The following WDR49 variants were observed in gnomAD, a reference collection of about 807,000 sequenced individuals.
WDR49 encodes cilia- and flagella-associated protein 337.
A neutral mutation model predicts 119.5 loss-of-function variants in WDR49; 107 were observed. The observed-to-expected ratio is 0.90, with a 90% CI of 0.77 to 1.05. The LOEUF (loss-of-function observed/expected upper bound fraction) is 1.05, where lower values mean the gene tolerates loss of function less well. WDR49 is among the 50% of genes least tolerant of loss of function. The pLI is 0.00. For missense variants in WDR49, 1,240 were observed against 1,220.5 expected (o/e 1.02, Z -0.24); for synonymous variants, 425 against 418.8 (o/e 1.01, Z -0.18).
At chr3:167,530,189 A>T (rs1752795911) in intron 13 of WDR49, among the ~76,000 whole-genome samples, 1 of 152,124 alleles carries the variant, frequency 6.6e-6, no homozygotes. Flanking sequence ...ATTCTTAATG[A>T]TTAAAAATTT....
chr3:167,550,414 C>T (rs1712485524), intron 10 of WDR49, among the ~76,000 whole-genome samples: 1 of 151,994 alleles, frequency 6.6e-6, no homozygotes, highest in African/African-American at 2.4e-5. Flanking sequence ...CTTCACATCC[C>T]TTGTAAGTTG....
intron 5 of WDR49, among the ~76,000 whole-genome samples, chr3:167,611,593 C>T (rs949059893): frequency 1.3e-5 from 2 of 151,948 alleles, no homozygotes; most frequent in East Asian, 1.9e-4. Flanking sequence ...CACACTTCAC[C>T]TATAAAGGCA....
Position 167,563,286 on chromosome 3 carries a change from G to A in WDR49, c.1510-3058C>T, listed in dbSNP as rs1324801531. Among the ~76,000 whole-genome samples the A allele has an allele frequency of 3.3e-5, 5 of 150,528 alleles. No homozygotes were observed. In the East Asian group the frequency reaches 5.9e-4, roughly 18 times the overall value. On this transcript the variant is annotated intron_variant, in intron 8 of 18. Transcript: ENST00000682715. ...GGAGAAGGGCGTGAACCCGGGAGGC[G>A]GAGCTTGCAGTGAGCCAAGATAGCG...
At chr3:167,482,916 A>G (rs548250620) in intron 18 of WDR49, among the ~76,000 whole-genome samples, 7 of 152,308 alleles carry the variant, frequency 4.6e-5, no homozygotes, top group African/African-American at 9.6e-5. Flanking sequence ...GAGACAAAGA[A>G]TAACACTGAA....
intron 11 of WDR49, among the ~76,000 whole-genome samples, chr3:167,535,332 A>G (rs1417184171): frequency 1.3e-5 from 2 of 152,200 alleles, no homozygotes; most frequent in African/African-American, 4.8e-5. Flanking sequence ...GATAGTTGCA[A>G]ACTTTACATC....
intron 10 of WDR49, among the ~76,000 whole-genome samples, chr3:167,540,526 C>T (rs1454732673): frequency 6.6e-6 from 1 of 152,118 alleles, no homozygotes; most frequent in Non-Finnish European, 1.5e-5. Context: ...CCACCCCACC[C>T]CATGGGACAA....
At chr3:167,516,260 C>A (rs867521312) in intron 16 of WDR49, among the ~76,000 whole-genome samples, 1 of 134,164 alleles carries the variant, frequency 7.5e-6, no homozygotes, top group Non-Finnish European at 1.6e-5. Context: ...TCCCCCCACC[C>A]CACAACAGGC....
chr3:167,656,385 T>C (rs1236854729), upstream of WDR49, among the ~76,000 whole-genome samples: 3 of 152,178 alleles, frequency 2.0e-5, no homozygotes, highest in South Asian at 2.1e-4. Context: ...AGTGATATTC[T>C]AGAGAGTTGG....
intron 10 of WDR49, among the ~76,000 whole-genome samples, chr3:167,552,565 C>T (rs764373370): frequency 1.3e-5 from 2 of 151,856 alleles, no homozygotes; most frequent in African/African-American, 2.4e-5. Context: ...AGAAAAAGCA[C>T]GTTTTGGAAA....
At chr3:167,542,330 T>C (rs1428440446) in intron 10 of WDR49, among the ~76,000 whole-genome samples, 1 of 152,112 alleles carries the variant, frequency 6.6e-6, no homozygotes, top group Non-Finnish European at 1.5e-5. Context: ...AACTGCAGAA[T>C]ATACATCCTT....
chr3:167,524,425 CAA>C (rs200704707), intron 15 of WDR49, among the ~76,000 whole-genome samples: 2,082 of 152,246 alleles, frequency 0.014, 47 homozygotes, highest in African/African-American at 0.047. Context: ...TTGCATTTGT[CAA>C]CTTCAGCTTT....
chr3:167,540,597 GA>G (rs1170863842), intron 10 of WDR49, among the ~76,000 whole-genome samples: 1 of 152,124 alleles, frequency 6.6e-6, no homozygotes, highest in Non-Finnish European at 1.5e-5. Context: ...CTACCTGAAT[GA>G]GAAGGAATCA....
chr3:167,632,381 C>T (rs889408377), intron 2 of WDR49, among the ~76,000 whole-genome samples: 3 of 151,924 alleles, frequency 2.0e-5, no homozygotes, highest in African/African-American at 7.2e-5. Flanking sequence ...ATTGATAATA[C>T]CAATATCCAC....
intron 5 of WDR49, among the ~76,000 whole-genome samples, chr3:167,605,494 AAC>A (rs1331314808): frequency 6.6e-6 from 1 of 152,174 alleles, no homozygotes; most frequent in Non-Finnish European, 1.5e-5. Flanking sequence ...TAAGAAAAAA[AAC>A]AGATGCAGTC....
At chr3:167,523,579 A>T (rs915128945) in intron 15 of WDR49, among the ~76,000 whole-genome samples, 1 of 151,874 alleles carries the variant, frequency 6.6e-6, no homozygotes, top group African/African-American at 2.4e-5. Flanking sequence ...CCGGTGAGTG[A>T]TGTTCCTCTC....
chr3:167,504,828 T>C (rs889509765), intron 17 of WDR49, among the ~76,000 whole-genome samples: 1 of 152,018 alleles, frequency 6.6e-6, no homozygotes. Context: ...CCTCACGGCT[T>C]GGTGCTCTCC....
At chr3:167,507,005 G>T (rs1419003505) in intron 16 of WDR49, among the ~76,000 whole-genome samples, 7 of 152,122 alleles carry the variant, frequency 4.6e-5, no homozygotes, top group Admixed American at 1.3e-4. Context: ...CTATCAAACT[G>T]ACTTCCATGG....
chr3:167,480,216 T>C (rs1262310406), intron 18 of WDR49, among the ~76,000 whole-genome samples: 1 of 117,404 alleles, frequency 8.5e-6, no homozygotes, highest in African/African-American at 3.5e-5. Flanking sequence ...GCCATCGCAC[T>C]CCAGCCCAAG....
intron 8 of WDR49, among the ~76,000 whole-genome samples, chr3:167,563,575 A>G (rs1713408644): frequency 6.6e-6 from 1 of 152,160 alleles, no homozygotes; most frequent in African/African-American, 2.4e-5. Flanking sequence ...TATTTCTATT[A>G]AAAAACATTT....
Sources: gnomAD v4.1 joint callset for allele counts (sites outside exome capture counted in the v4.1 genomes callset) on GRCh38, gnomAD v4.1.1 for gene constraint, MANE v1.5 for transcripts, NCBI Gene and HGNC (gene_info 2026-07-23, HGNC 2026-07-21) for gene names.